Variants in LRRIQ3 observed in about 807,000 individuals in gnomAD.
The protein encoded by LRRIQ3 is leucine rich repeats and IQ motif containing 3.
In LRRIQ3, 75 loss-of-function variants were observed where a neutral mutation model predicts 59.3. The observed-to-expected ratio is 1.26, with a 90% CI of 1.05 to 1.53. The LOEUF is 1.53. Among genes scored for constraint, LRRIQ3 ranks in the 40% most tolerant of loss-of-function variants. The probability of loss-of-function intolerance (pLI) is 0.00; values close to 1 mark genes in which losing one functional copy is unlikely to be tolerated. For missense variants in LRRIQ3, 831 were observed against 710.0 expected (o/e 1.17, Z -1.94); for synonymous variants, 250 against 231.3 (o/e 1.08, Z -0.73).
At chr1:74,144,543 A>G (rs553002180) in intron 4 of LRRIQ3, 171 of 232,446 alleles carry the variant, frequency 7.4e-4, no homozygotes, top group African/African-American at 4.1e-3. Context: ...GGACTGTAAC[A>G]GTCTGTAAAA....
chr1:74,030,567 G>A (rs1653673164), intron 7 of LRRIQ3, among the ~76,000 whole-genome samples: 3 of 152,126 alleles, frequency 2.0e-5, no homozygotes, highest in Non-Finnish European at 4.4e-5. Flanking sequence ...TATGTAGAAA[G>A]CTGAAACTGG....
intron 1 of LRRIQ3, among the ~76,000 whole-genome samples, chr1:74,193,190 A>G (rs966913634): frequency 6.6e-6 from 1 of 152,196 alleles, no homozygotes; most frequent in African/African-American, 2.4e-5. Context: ...CTATTTTGTG[A>G]AATGTATATA....
At chr1:74,112,105 A>G (rs938151558) in intron 4 of LRRIQ3, among the ~76,000 whole-genome samples, 2 of 152,110 alleles carry the variant, frequency 1.3e-5, no homozygotes, top group African/African-American at 2.4e-5. Context: ...TGAGAAGACT[A>G]GAGACTGCTG....
At chr1:74,074,601 A>G in intron 6 of LRRIQ3, 60 bp downstream of exon 6, 1 of 796,768 alleles carries the variant, frequency 1.3e-6, no homozygotes. Flanking sequence ...TTCTAATTAT[A>G]TTATTTACTC....
chr1:74,136,186 A>G (rs1249846075), intron 4 of LRRIQ3, among the ~76,000 whole-genome samples: 2 of 151,984 alleles, frequency 1.3e-5, no homozygotes, highest in Non-Finnish European at 2.9e-5. Flanking sequence ...ACTTAAGAAG[A>G]AATAGAAAAC....
chr1:74,176,335 C>T (rs1649637258), intron 3 of LRRIQ3, among the ~76,000 whole-genome samples: 1 of 152,102 alleles, frequency 6.6e-6, no homozygotes, highest in South Asian at 2.1e-4. Flanking sequence ...TTGTCACTCT[C>T]ATTGTTTTTC....
intron 1 of LRRIQ3, among the ~76,000 whole-genome samples, chr1:74,184,845 A>G (rs1223607443): frequency 6.6e-6 from 1 of 152,170 alleles, no homozygotes; most frequent in Non-Finnish European, 1.5e-5. Flanking sequence ...TTACAAATTA[A>G]ACTCATGAAG....
intron 6 of LRRIQ3, among the ~76,000 whole-genome samples, chr1:74,060,458 C>T (rs1296703199): frequency 2.0e-5 from 3 of 151,734 alleles, no homozygotes; most frequent in Admixed American, 1.3e-4. Context: ...AGTATTTTTG[C>T]ATTTTTAATA....
chr1:74,060,705 C>T (rs557100464), intron 6 of LRRIQ3, among the ~76,000 whole-genome samples: 1 of 152,088 alleles, frequency 6.6e-6, no homozygotes, highest in African/African-American at 2.4e-5. Context: ...TAGCAAGACC[C>T]TGTCACACAC....
intron 5 of LRRIQ3, among the ~76,000 whole-genome samples, chr1:74,079,606 T>C (rs918716528): frequency 2.6e-5 from 4 of 151,858 alleles, no homozygotes; most frequent in Admixed American, 1.3e-4. Flanking sequence ...GTTTTGTTTT[T>C]TCCCTAGAAT....
chr1:74,089,498 A>T (rs1646371317), intron 5 of LRRIQ3, among the ~76,000 whole-genome samples: 1 of 152,112 alleles, frequency 6.6e-6, no homozygotes, highest in South Asian at 2.1e-4. Context: ...TAAATGTTAC[A>T]ACATGTTTGA....
At chr1:74,052,775 C>A (rs1229596594) in intron 6 of LRRIQ3, among the ~76,000 whole-genome samples, 3 of 152,026 alleles carry the variant, frequency 2.0e-5, no homozygotes, top group East Asian at 1.9e-4. Context: ...ATTCAATCTG[C>A]AGTTCCTTTT....
At position 74,133,025 on chromosome 1, in the gene LRRIQ3, A is replaced by C. The variant is rs927963997; in HGVS notation, c.707+22708T>G. Among the ~76,000 whole-genome samples, 3 of 152,152 alleles carry C rather than the reference A, an allele frequency of 2.0e-5. No homozygotes were observed. The East Asian group carries it at 5.8e-4, about 29-fold the overall frequency. On this transcript the variant is annotated intron_variant, in intron 4 of 7. Transcript: ENST00000354431. ...ACTTAAACAAATTTACAAGAAAAAA[A>C]CAAACAATCCCATCAAAAAGTGGGC...
At chr1:74,163,776 G>A (rs1648798299) in intron 3 of LRRIQ3, among the ~76,000 whole-genome samples, 1 of 151,478 alleles carries the variant, frequency 6.6e-6, no homozygotes, top group Non-Finnish European at 1.5e-5. Context: ...TAAATTCTCA[G>A]TATTGCAATT....
At chr1:74,095,413 T>C (rs575435570) in intron 5 of LRRIQ3, among the ~76,000 whole-genome samples, 3 of 152,176 alleles carry the variant, frequency 2.0e-5, no homozygotes, top group Non-Finnish European at 4.4e-5. Flanking sequence ...GAACTGTTCA[T>C]GTAAATTTTT....
chr1:74,146,668 G>C (rs963475674), intron 4 of LRRIQ3, among the ~76,000 whole-genome samples: 1 of 152,206 alleles, frequency 6.6e-6, no homozygotes, highest in African/African-American at 2.4e-5. Flanking sequence ...TATGATCCAT[G>C]AAATATGGGC....
chr1:74,076,395 A>G (rs1374397566), intron 5 of LRRIQ3, among the ~76,000 whole-genome samples: 1 of 152,166 alleles, frequency 6.6e-6, no homozygotes, highest in Non-Finnish European at 1.5e-5. Flanking sequence ...GCTCTTTCAC[A>G]TGGACATCTC....
At chr1:74,055,609 G>A (rs904878573) in intron 6 of LRRIQ3, among the ~76,000 whole-genome samples, 5 of 152,032 alleles carry the variant, frequency 3.3e-5, no homozygotes, top group African/African-American at 1.2e-4. Context: ...TTACTTACTG[G>A]TTGATGGATA....
At position 74,041,797 on chromosome 1, in the gene LRRIQ3, A is replaced by C; in HGVS notation, c.1134T>G (p.Phe378Leu). Residue 378 changes from phenylalanine (F) to leucine (L), a missense_variant, in exon 7 of 8, where the codon TTT becomes TTG. Transcript: ENST00000354431. ...TATAGATTGGCTGAGGATATGCAGG[A>C]AAAAAATGTTGTTTTTTCTCTCTCA... ...AVLREKKQHF[F>L]PAYPQPIYTT... The C allele has an allele frequency of 2.5e-6, 4 of 1,613,554 alleles. No homozygotes were observed. In the African/African-American group the frequency reaches 4.0e-5, roughly 16 times the overall value.
Sources: allele counts gnomAD v4.1 joint callset (sites outside exome capture counted in the v4.1 genomes callset), GRCh38; gene constraint gnomAD v4.1.1; transcripts MANE v1.5; gene names NCBI Gene and HGNC (gene_info 2026-07-23, HGNC 2026-07-21).